The following PRKCZ variants were observed in gnomAD, a reference collection of about 807,000 sequenced individuals.
PRKCZ encodes protein kinase C zeta, also known as protein kinase C zeta type.
PRKCZ carries 33 observed loss-of-function variants against 79.5 expected under a neutral mutation model. The observed-to-expected ratio is 0.41, with a 90% confidence interval of 0.31 to 0.55. The LOEUF (loss-of-function observed/expected upper bound fraction) is 0.55. Among genes scored for constraint, PRKCZ ranks in the 20% least tolerant of loss-of-function variants. The pLI, the probability that PRKCZ is intolerant of heterozygous loss-of-function variation, is 0.19. For missense variants in PRKCZ, 578 were observed against 813.5 expected, an observed-to-expected ratio of 0.71 and a Z score of 3.52; for synonymous variants, 342 against 320.9, an observed-to-expected ratio of 1.07 and a Z score of -0.70.
rs1218170898 is a variant in PRKCZ, at chr1:2,125,592, G to A, written c.335-9670G>A. Reference sequence around the variant, plus strand: ...TGGCTGCAAGACGTGGAGTGACTGTGGGTCCCCGTGGCCCCTGACATGCTC... The same window carrying A: ...TGGCTGCAAGACGTGGAGTGACTGTAGGTCCCCGTGGCCCCTGACATGCTC... On this transcript the variant is annotated intron_variant, in intron 4 of 17. Coordinates refer to ENST00000378567, the MANE Select transcript of PRKCZ (RefSeq NM_002744.6). The surrounding 1 kb of genome is among the most constrained non-coding windows in gnomAD (Gnocchi z 4.2). Among the ~76,000 whole-genome samples the A allele has an allele frequency of 1.3e-5, 2 of 152,192 alleles. No individual in the cohort carries two copies. The highest frequency in any genetic ancestry group is 4.8e-5 in the African/African-American group (2 of 41,454).
At chr1:2,109,664 C>T (rs1481641849) in intron 4 of PRKCZ, among the ~76,000 whole-genome samples, 2 of 152,178 alleles carry the variant, frequency 1.3e-5, no homozygotes, top group African/African-American at 4.8e-5. Context: ...CGGCAGCTCA[C>T]GCCCACTGCA....
intron 4 of PRKCZ, among the ~76,000 whole-genome samples, chr1:2,113,322 T>C (rs1056312953): frequency 6.6e-6 from 1 of 152,212 alleles, no homozygotes; most frequent in Non-Finnish European, 1.5e-5. Flanking sequence ...GACGTTCTCT[T>C]CGGTGGGCTG....
intron 4 of PRKCZ, 39 bp from the exon 5 acceptor site, chr1:2,135,223 C>T: frequency 6.4e-7 from 1 of 1,565,490 alleles, no homozygotes; most frequent in South Asian, 1.1e-5. Flanking sequence ...CTCGTGGCTG[C>T]CACGCTGTTT....
intron 4 of PRKCZ, among the ~76,000 whole-genome samples, chr1:2,073,237 TC>T (rs1018003877): frequency 2.0e-5 from 3 of 152,158 alleles, no homozygotes; most frequent in Non-Finnish European, 4.4e-5. Flanking sequence ...CCTTTCCTGT[TC>T]CTGCCCCCCA....
Position 2,173,786 on chromosome 1 carries a change from A to G in PRKCZ, c.1286-111A>G. 6.9e-7 allele frequency: 1 copy of G among 1,447,742 alleles called. No homozygotes were observed. The highest frequency in any genetic ancestry group is 1.4e-5 in the African/African-American group (1 of 69,180). 89.7% of individuals were successfully genotyped at this position (1,447,742 alleles called of 1,614,324 possible). A position where few individuals can be genotyped will look rare whatever the true frequency, so the allele number is the denominator to read the frequency against. ...ACAGAGGCCTGTGTGCCGCCTGCTC[A>G]AGCCTGGCTCACACTCGTGTCAACT... is the stretch of plus-strand genomic sequence containing the variant. On this transcript the variant is annotated intron_variant, in intron 13 of 17. Coordinates refer to ENST00000378567, the MANE Select transcript of PRKCZ (RefSeq NM_002744.6). This position sits in a 1 kb window ranked among gnomAD's most constrained non-coding sequence, Gnocchi z 5.7.
At chr1:2,112,540 T>C (rs1669950384) in intron 4 of PRKCZ, among the ~76,000 whole-genome samples, 1 of 152,160 alleles carries the variant, frequency 6.6e-6, no homozygotes, top group South Asian at 2.1e-4. Context: ...AGCCGCCGCT[T>C]GGAGCGGAGG....
intron 10 of PRKCZ, among the ~76,000 whole-genome samples, chr1:2,166,221 C>T (rs920852014): frequency 5.3e-5 from 8 of 152,162 alleles, no homozygotes; most frequent in African/African-American, 1.9e-4. Context: ...GGGTTCAAGA[C>T]CAGCCTGGGA....
chr1:2,148,636 T>G (rs1000036283), intron 7 of PRKCZ, among the ~76,000 whole-genome samples: 13 of 152,248 alleles, frequency 8.5e-5, no homozygotes, highest in African/African-American at 3.1e-4. Context: ...GATGGACCCC[T>G]GGGGACGTAT....
chr1:2,137,125 C>T (rs1676365963), intron 5 of PRKCZ, among the ~76,000 whole-genome samples: 1 of 152,156 alleles, frequency 6.6e-6, no homozygotes, highest in African/African-American at 2.4e-5. Context: ...CTCCAGAGCC[C>T]CCGGCAAACC....
intron 4 of PRKCZ, among the ~76,000 whole-genome samples, chr1:2,110,875 G>A (rs1434933962): frequency 6.6e-6 from 1 of 152,100 alleles, no homozygotes; most frequent in Admixed American, 6.5e-5. Flanking sequence ...GTGGGGCCAG[G>A]GTGGGGCTGG....
At chr1:2,077,928 A>G (rs181861532) in intron 4 of PRKCZ, among the ~76,000 whole-genome samples, 2 of 152,228 alleles carry the variant, frequency 1.3e-5, no homozygotes, top group Non-Finnish European at 2.9e-5. Context: ...GTGAATATGC[A>G]TGAGCTACCA....
intron 4 of PRKCZ, among the ~76,000 whole-genome samples, chr1:2,119,695 T>G (rs1671463143): frequency 6.6e-6 from 1 of 152,214 alleles, no homozygotes; most frequent in Admixed American, 6.5e-5. Flanking sequence ...GGACGGCGCT[T>G]ACATGGAGAC....
At chr1:2,113,314 C>T (rs1006232405) in intron 4 of PRKCZ, among the ~76,000 whole-genome samples, 7 of 152,336 alleles carry the variant, frequency 4.6e-5, no homozygotes, top group African/African-American at 1.2e-4. Flanking sequence ...GTGACTGTGA[C>T]GTTCTCTTCG....
intron 4 of PRKCZ, chr1:2,074,398 G>T (rs772662514): frequency 2.0e-5 from 27 of 1,357,480 alleles, no homozygotes; most frequent in Non-Finnish European, 2.2e-5. Context: ...TGGCTGTTGG[G>T]AGTTTCACTG....
intron 4 of PRKCZ, among the ~76,000 whole-genome samples, chr1:2,134,164 T>C (rs190694694): frequency 5.7e-4 from 87 of 152,324 alleles, no homozygotes; most frequent in African/African-American, 2.0e-3. Context: ...CCCGCTGCCG[T>C]GAGGCCTCTT....
In PRKCZ at chr1:2,125,526, C is replaced by T. The variant is rs1032254991; in HGVS notation, c.335-9736C>T. On this transcript the variant is annotated intron_variant, in intron 4 of 17. Transcript: ENST00000378567. This position sits in a 1 kb window ranked among gnomAD's most constrained non-coding sequence, Gnocchi z 4.2. ...GAACTGGAGGCTTTGGCCCTTGTCC[C>T]ACCCCTGCTCCCCTGAGGAGGGAGG... 1.3e-5 allele frequency among the ~76,000 whole-genome samples: 2 copies of T among 152,162 alleles called. No individual in the cohort carries two copies. Among genetic ancestry groups the T allele is most frequent in the African/African-American group, 2.4e-5 (1 of 41,452 alleles).
chr1:2,054,038 G>A (rs532343636), intron 1 of PRKCZ, among the ~76,000 whole-genome samples: 31 of 152,182 alleles, frequency 2.0e-4, no homozygotes, highest in Non-Finnish European at 3.4e-4. Flanking sequence ...GGGCAGGTGG[G>A]CCCTGGGCTG....
In PRKCZ at chr1:2,127,413, C is replaced by G. The variant is rs1404473942; in HGVS notation, c.335-7849C>G. Among the ~76,000 whole-genome samples, 4 of 151,906 alleles carry G rather than the reference C, an allele frequency of 2.6e-5. No homozygotes were observed. On this transcript the variant is annotated intron_variant, in intron 4 of 17. Transcript: ENST00000378567. This position sits in a 1 kb window ranked among gnomAD's most constrained non-coding sequence, Gnocchi z 5.1. The stretch of plus-strand genomic sequence containing the variant: ...TCCACTGCCCCCCCCACCGCCGCCC[C>G]TGCCCCACGGCCACCCCAGATCCTC...
At chr1:2,143,233 G>A (rs948102997) in intron 5 of PRKCZ, 3 of 152,152 alleles carry the variant, frequency 2.0e-5, no homozygotes, top group Non-Finnish European at 4.4e-5. Flanking sequence ...GTTTCACCGT[G>A]TTAGCCAGGA....
Sources: allele counts gnomAD v4.1 joint callset (sites outside exome capture counted in the v4.1 genomes callset), GRCh38; gene constraint gnomAD v4.1.1; non-coding constraint Gnocchi (gnomAD v3.1); transcripts MANE v1.5; gene names NCBI Gene and HGNC (gene_info 2026-07-23, HGNC 2026-07-21).